CTNND2: variants seen among roughly 807,000 people sequenced by gnomAD.
The protein encoded by CTNND2 is catenin delta-2.
In CTNND2, 22 loss-of-function variants were observed where a neutral mutation model predicts 144.4. The ratio of observed to expected loss-of-function variants is 0.15; its 90% CI spans 0.11 to 0.22. The LOEUF (loss-of-function observed/expected upper bound fraction) is 0.22, where lower values mean the gene tolerates loss of function less well. CTNND2 is among the 10% of genes least tolerant of loss of function. The probability of loss-of-function intolerance (pLI) is 1.00; values close to 1 mark genes in which losing one functional copy is unlikely to be tolerated. For synonymous variants in CTNND2, 751 were observed against 695.6 expected (o/e 1.08, Z -1.25); for missense variants, 1,353 against 1,618.8 (o/e 0.84, Z 2.82).
chr5:11,278,381 A>T (rs1392033513), intron 9 of CTNND2, among the ~76,000 whole-genome samples: 1 of 152,186 alleles, frequency 6.6e-6, no homozygotes, highest in Admixed American at 6.5e-5. Flanking sequence ...CTTATGTGCC[A>T]GACACTGGAA....
rs1030571213 is a variant in CTNND2, at chr5:11,490,843, C to G, written c.287+74101G>C. 2.6e-5 allele frequency among the ~76,000 whole-genome samples: 4 copies of G among 152,080 alleles called. No homozygotes were observed. The East Asian group carries it at 5.8e-4, about 22-fold the overall frequency. On this transcript the variant is annotated intron_variant, in intron 3 of 21. Coordinates refer to ENST00000304623, the MANE Select transcript of CTNND2 (RefSeq NM_001332.4). ...TGCTCATCAAAATAAAAGTAGAAGG[C>G]CTGGCATGGTGGCTCACCCCTGTAA... is the stretch of plus-strand genomic sequence containing the variant.
chr5:11,662,890 G>A (rs563895023), intron 2 of CTNND2, among the ~76,000 whole-genome samples: 2 of 152,174 alleles, frequency 1.3e-5, no homozygotes, highest in East Asian at 3.9e-4. Flanking sequence ...GGAGATTTCT[G>A]GTCTACATGA....
chr5:11,869,977 A>G (rs527886444), intron 1 of CTNND2, among the ~76,000 whole-genome samples: 1 of 152,298 alleles, frequency 6.6e-6, no homozygotes, highest in South Asian at 2.1e-4. Context: ...GCACCTTGAG[A>G]ATATTAGAGA....
chr5:11,530,585 G>A (rs1773664868), intron 3 of CTNND2, among the ~76,000 whole-genome samples: 1 of 152,156 alleles, frequency 6.6e-6, no homozygotes, highest in South Asian at 2.1e-4. Context: ...GAATTGGGGT[G>A]TTGTGGCATC....
chr5:11,855,136 C>G (rs1795196028), intron 1 of CTNND2, among the ~76,000 whole-genome samples: 1 of 152,184 alleles, frequency 6.6e-6, no homozygotes, highest in South Asian at 2.1e-4. Context: ...GGAGGGCAGC[C>G]TTAAACCAGG....
chr5:11,027,892 T>G (rs553710957), intron 16 of CTNND2, among the ~76,000 whole-genome samples: 2 of 152,326 alleles, frequency 1.3e-5, no homozygotes, highest in East Asian at 3.9e-4. Flanking sequence ...ACAGCCTTGC[T>G]CTCGTTGACT....
chr5:11,058,617 G>C (rs575504222), intron 16 of CTNND2, among the ~76,000 whole-genome samples: 1 of 152,342 alleles, frequency 6.6e-6, no homozygotes, highest in Non-Finnish European at 1.5e-5. Context: ...CACACACAGA[G>C]TCCCTACTGG....
chr5:10,981,584 C>T (rs1336125219), intron 21 of CTNND2, among the ~76,000 whole-genome samples, 189 bp downstream of exon 21: 5 of 141,902 alleles, frequency 3.5e-5, no homozygotes, highest in Non-Finnish European at 7.7e-5. Context: ...TCTGCCGAGT[C>T]CAACACACAC....
At chr5:11,614,041 T>C (rs193091416) in intron 2 of CTNND2, among the ~76,000 whole-genome samples, 94 of 152,318 alleles carry the variant, frequency 6.2e-4, no homozygotes, top group Non-Finnish European at 1.2e-3. Flanking sequence ...AAAGTTTGAA[T>C]ACTTTCAATA....
chr5:11,604,943 G>C (rs1779975700), intron 2 of CTNND2, among the ~76,000 whole-genome samples: 1 of 152,188 alleles, frequency 6.6e-6, no homozygotes, highest in Non-Finnish European at 1.5e-5. Flanking sequence ...ATAATTACAA[G>C]TTTGGTATGT....
chr5:10,983,912 G>C (rs930046340), intron 20 of CTNND2, among the ~76,000 whole-genome samples: 1 of 152,088 alleles, frequency 6.6e-6, no homozygotes, highest in African/African-American at 2.4e-5. Context: ...TGTTAAAGGA[G>C]TCCCAGCTTT....
intron 9 of CTNND2, among the ~76,000 whole-genome samples, chr5:11,258,319 C>CT (rs1159450940): frequency 6.6e-6 from 1 of 152,222 alleles, no homozygotes; most frequent in Non-Finnish European, 1.5e-5. Context: ...GGATGGGCCC[C>CT]TGCTCTCCTT....
chr5:11,641,682 A>C (rs1260338390), intron 2 of CTNND2, among the ~76,000 whole-genome samples: 1 of 130,966 alleles, frequency 7.6e-6, no homozygotes, highest in Non-Finnish European at 1.6e-5. Flanking sequence ...GTGTATATAC[A>C]TATACGTGTG....
intron 9 of CTNND2, among the ~76,000 whole-genome samples, chr5:11,305,669 G>A (rs1750117296): frequency 6.6e-6 from 1 of 152,206 alleles, no homozygotes; most frequent in Non-Finnish European, 1.5e-5. Flanking sequence ...TTAACAAGGA[G>A]CACCTGCCTC....
chr5:11,013,639 T>G, intron 18 of CTNND2, among the ~76,000 whole-genome samples: 1 of 152,028 alleles, frequency 6.6e-6, no homozygotes, highest in East Asian at 1.9e-4. Context: ...AAGTAAGAAG[T>G]TTTGGATGAT....
At chr5:11,769,477 A>T (rs866984898) in intron 1 of CTNND2, among the ~76,000 whole-genome samples, 1 of 152,234 alleles carries the variant, frequency 6.6e-6, no homozygotes, top group Non-Finnish European at 1.5e-5. Flanking sequence ...TGATGTACTT[A>T]AAGTGAATAT....
intron 9 of CTNND2, among the ~76,000 whole-genome samples, chr5:11,308,547 C>T (rs1223295930): frequency 2.0e-5 from 3 of 152,258 alleles, no homozygotes; most frequent in Non-Finnish European, 4.4e-5. Flanking sequence ...AGTGGGTTCA[C>T]TTCCCCTAAC....
At chr5:11,887,124 C>A (rs962609607) in intron 1 of CTNND2, among the ~76,000 whole-genome samples, 4 of 151,830 alleles carry the variant, frequency 2.6e-5, no homozygotes, top group African/African-American at 9.7e-5. Context: ...GCTGGGACTA[C>A]AGGCGCATAC....
chr5:11,470,982 T>TATATATATA (rs56744030), intron 3 of CTNND2, among the ~76,000 whole-genome samples: 771 of 37,418 alleles, frequency 0.021, 2 homozygotes, highest in African/African-American at 0.039. Flanking sequence ...ATATATATAT[T>TATATATATA]TTTTTTTTTT....
Sources: allele counts gnomAD v4.1 joint callset (sites outside exome capture counted in the v4.1 genomes callset), GRCh38; gene constraint gnomAD v4.1.1; transcripts MANE v1.5; gene names NCBI Gene and HGNC (gene_info 2026-07-23, HGNC 2026-07-21).